Variants in STXBP4 observed in about 807,000 individuals in gnomAD.
The protein encoded by STXBP4 is syntaxin-binding protein 4.
A neutral mutation model predicts 76.1 loss-of-function variants in STXBP4; 55 were observed. That is an observed-to-expected ratio of 0.72 (90% CI 0.58 to 0.91). The LOEUF is 0.91. STXBP4 is among the 40% of genes least tolerant of loss of function. STXBP4 has a pLI of 0.00. For missense variants in STXBP4, 618 were observed against 636.9 expected (o/e 0.97, Z 0.32); for synonymous variants, 201 against 220.2 (o/e 0.91, Z 0.77).
chr17:55,011,230 TTA>T (rs1330219755), intron 8 of STXBP4, among the ~76,000 whole-genome samples: 3 of 151,988 alleles, frequency 2.0e-5, no homozygotes, highest in Non-Finnish European at 4.4e-5. Flanking sequence ...TTTATTTGCA[TTA>T]TTTTTTTTAA....
chr17:55,047,689 A>G (rs1051392849), intron 12 of STXBP4, among the ~76,000 whole-genome samples: 11 of 151,902 alleles, frequency 7.2e-5, no homozygotes, highest in Admixed American at 7.2e-4. Flanking sequence ...GACAAAATAT[A>G]AATAAGAGAA....
chr17:54,981,747 G>T (rs2077553681), intron 1 of STXBP4, among the ~76,000 whole-genome samples: 1 of 152,022 alleles, frequency 6.6e-6, no homozygotes, highest in Admixed American at 6.5e-5. Flanking sequence ...TAACCCAGAA[G>T]AAAAGGGGGG....
chr17:55,054,178 A>T (rs995153374), intron 12 of STXBP4, among the ~76,000 whole-genome samples: 2 of 152,194 alleles, frequency 1.3e-5, no homozygotes, highest in African/African-American at 4.8e-5. Flanking sequence ...AACAAAAGAG[A>T]GAATCTTATA....
In STXBP4 at chr17:55,034,186, GAA is replaced by G. The variant is rs764450826; in HGVS notation, c.784_785del (p.Asn262LeufsTer8). On this transcript the variant is annotated frameshift_variant, in exon 10 of 18. Transcript: ENST00000376352. LOFTEE classifies it high-confidence loss of function. ...ATTTTAGATTTTGTCCAGGTTGCCA[GAA>G]ACTTGTTTTGCTTGCAGTTGGATGA... is the stretch of plus-strand genomic sequence containing the variant. 1 of 1,612,408 alleles carries G rather than the reference GAA, an allele frequency of 6.2e-7. No homozygotes were observed. The highest frequency in any genetic ancestry group is 1.3e-5 in the African/African-American group (1 of 74,878).
intron 12 of STXBP4, among the ~76,000 whole-genome samples, chr17:55,064,447 C>T (rs1259279587): frequency 1.3e-5 from 2 of 152,130 alleles, no homozygotes; most frequent in African/African-American, 2.4e-5. Flanking sequence ...TAGTTATTAA[C>T]CCTATTTCTA....
intron 17 of STXBP4, among the ~76,000 whole-genome samples, chr17:55,150,683 G>C (rs1481874482): frequency 6.6e-6 from 1 of 152,162 alleles, no homozygotes; most frequent in Non-Finnish European, 1.5e-5. Context: ...CAAATTGCAA[G>C]AGTTGATCCC....
At chr17:54,986,730 T>C (rs1174364528) in intron 3 of STXBP4, among the ~76,000 whole-genome samples, 1 of 152,352 alleles carries the variant, frequency 6.6e-6, no homozygotes, top group Admixed American at 6.5e-5. Flanking sequence ...GAATATTTTA[T>C]AATTCCATTA....
chr17:55,120,188 T>C (rs771107206), intron 16 of STXBP4, among the ~76,000 whole-genome samples: 1 of 152,212 alleles, frequency 6.6e-6, no homozygotes, highest in Non-Finnish European at 1.5e-5. Context: ...TTAATACTGC[T>C]ACCTTTTAAA....
intron 12 of STXBP4, among the ~76,000 whole-genome samples, chr17:55,048,385 A>T (rs1046648069): frequency 4.6e-5 from 7 of 151,906 alleles, no homozygotes; most frequent in African/African-American, 1.7e-4. Flanking sequence ...TGAAATAAAA[A>T]AGTATAGAAC....
At chr17:54,977,580 G>T (rs902823919) in intron 1 of STXBP4, among the ~76,000 whole-genome samples, 1 of 152,134 alleles carries the variant, frequency 6.6e-6, no homozygotes, top group Non-Finnish European at 1.5e-5. Flanking sequence ...AAAATACTGA[G>T]GGATGACTAT....
At chr17:55,075,507 CTGCTCCACATGTGTA>C (rs2079171157) in intron 13 of STXBP4, among the ~76,000 whole-genome samples, 1 of 152,066 alleles carries the variant, frequency 6.6e-6, no homozygotes, top group Non-Finnish European at 1.5e-5. Context: ...TGCATGTATC[CTGCTCCACATGTGTA>C]ATAGTTACCT....
At chr17:55,150,994 C>T (rs12162133) in intron 17 of STXBP4, among the ~76,000 whole-genome samples, 28,464 of 152,040 alleles carry the variant, frequency 0.19, 2,977 homozygotes, top group Middle Eastern at 0.35. Context: ...AGAGATATGA[C>T]AGTGGAAGCA....
chr17:54,987,189 C>T (rs56348638), intron 3 of STXBP4, among the ~76,000 whole-genome samples: 42,674 of 152,008 alleles, frequency 0.28, 6,248 homozygotes, highest in African/African-American at 0.35. Context: ...ATTTTGCAAA[C>T]GTAAAACATA....
At chr17:55,089,583 T>A (rs1474435103) in intron 16 of STXBP4, among the ~76,000 whole-genome samples, 1 of 152,220 alleles carries the variant, frequency 6.6e-6, no homozygotes, top group Non-Finnish European at 1.5e-5. Flanking sequence ...TGGAGATGCT[T>A]CTATTGATCT....
the STXBP4 span, among the ~76,000 whole-genome samples, chr17:55,179,727 T>G: frequency 6.6e-6 from 1 of 152,200 alleles, no homozygotes; most frequent in Admixed American, 6.5e-5. Context: ...GTATTTTATC[T>G]TATGATTTTC....
chr17:55,067,489 A>T (rs545301530), intron 12 of STXBP4, among the ~76,000 whole-genome samples: 6 of 152,130 alleles, frequency 3.9e-5, no homozygotes, highest in Non-Finnish European at 8.8e-5. Flanking sequence ...TCACCTGGTA[A>T]ATGTGGTAAG....
At chr17:55,012,187 T>A (rs1396551026) in intron 8 of STXBP4, among the ~76,000 whole-genome samples, 1 of 152,164 alleles carries the variant, frequency 6.6e-6, no homozygotes, top group Non-Finnish European at 1.5e-5. Flanking sequence ...CACTTCACAG[T>A]GCACCATTGG....
intron 16 of STXBP4, among the ~76,000 whole-genome samples, chr17:55,090,166 T>C (rs1354267734): frequency 6.6e-6 from 1 of 151,980 alleles, no homozygotes; most frequent in Non-Finnish European, 1.5e-5. Context: ...AGACGATCTC[T>C]TTTCACTCTT....
intron 10 of STXBP4, among the ~76,000 whole-genome samples, 181 bp from the exon 11 acceptor site, chr17:55,043,055 A>G (rs181579857): frequency 2.6e-5 from 4 of 152,310 alleles, no homozygotes; most frequent in Admixed American, 2.0e-4. Context: ...TAAGGTTAAA[A>G]TGAATGAAAT....
Sources: gnomAD v4.1 joint callset for allele counts (sites outside exome capture counted in the v4.1 genomes callset) on GRCh38, gnomAD v4.1.1 for gene constraint, MANE v1.5 for transcripts, NCBI Gene and HGNC (gene_info 2026-07-23, HGNC 2026-07-21) for gene names.